The following NRG2 variants were observed in gnomAD, a reference collection of about 807,000 sequenced individuals.
NRG2 encodes the protein pro-neuregulin-2, membrane-bound isoform.
NRG2 carries 27 observed loss-of-function variants against 73.9 expected under a neutral mutation model. The ratio of observed to expected loss-of-function variants is 0.37; its 90% CI spans 0.27 to 0.50. The LOEUF (loss-of-function observed/expected upper bound fraction) is 0.50. Among genes scored for constraint, NRG2 ranks in the 20% least tolerant of loss-of-function variants. The pLI is 0.96. For missense variants in NRG2, 1,126 were observed against 1,210.1 expected (o/e 0.93, Z 1.03); for synonymous variants, 532 against 541.0 (o/e 0.98, Z 0.23).
intron 1 of NRG2, among the ~76,000 whole-genome samples, chr5:140,009,130 A>G (rs1759158673): frequency 6.6e-6 from 1 of 152,226 alleles, no homozygotes; most frequent in Non-Finnish European, 1.5e-5. Context: ...TGCATCATCA[A>G]TAAAGTAGAA....
intron 1 of NRG2, among the ~76,000 whole-genome samples, chr5:139,946,566 TTTG>T (rs1428199278): frequency 6.6e-6 from 1 of 152,004 alleles, no homozygotes; most frequent in African/African-American, 2.4e-5. Context: ...TGGGCAGTGA[TTTG>T]TTGGATATGA....
intron 1 of NRG2, among the ~76,000 whole-genome samples, chr5:139,952,786 C>T (rs1319427642): frequency 4.6e-5 from 7 of 151,878 alleles, no homozygotes; most frequent in East Asian, 3.9e-4. Flanking sequence ...TGTGTGCATG[C>T]GTGTATGTGC....
intron 1 of NRG2, among the ~76,000 whole-genome samples, chr5:140,001,551 CAAGCACTATTCTAAATACT>C (rs1758477184): frequency 6.6e-6 from 1 of 152,060 alleles, no homozygotes; most frequent in Non-Finnish European, 1.5e-5. Flanking sequence ...TGCTATTTGC[CAAGCACTATTCTAAATACT>C]AGAGATGTGA....
Position 139,848,483 on chromosome 5 carries a change from C to G in NRG2, c.1987G>C (p.Gly663Arg). 1 of 1,340,456 alleles carries G rather than the reference C, an allele frequency of 7.5e-7. No individual in the cohort carries two copies. The allele number at this position is 1,340,456 out of a possible 1,614,324, so 83.0% of individuals were successfully genotyped here. A position where few individuals can be genotyped will look rare whatever the true frequency, so the allele number is the denominator to read the frequency against. The change falls in exon 10 of 10, where the codon GGG becomes CGG. Residue 663 changes from glycine (G) to arginine (R), a missense_variant. By Grantham distance (125) the Gly-to-Arg change is moderately radical. Transcript: ENST00000361474. ...TGCATGTCTGCGCCGGGCCCGGGCC[C>G]GGGCCCGGGTCCGGGTCCCGGGCCG... ...PPGPGPGPGP[G>R]PGPGADMQRS...
chr5:139,881,051 T>G, intron 2 of NRG2, 77 bp from the exon 3 acceptor site: 139 of 1,233,424 alleles, frequency 1.1e-4, no homozygotes, highest in Non-Finnish European at 1.6e-4. Flanking sequence ...ACCCAGCGGT[T>G]GCCTCTCTCC....
chr5:140,020,297 G>A (rs1760118509), intron 1 of NRG2, among the ~76,000 whole-genome samples: 2 of 152,202 alleles, frequency 1.3e-5, no homozygotes, highest in African/African-American at 4.8e-5. Context: ...CACTTCTTTG[G>A]TTAATTCATC....
At position 140,042,613 on chromosome 5, in the gene NRG2, G is replaced by A. The variant is rs1188954559; in HGVS notation, c.457C>T (p.Pro153Ser). 1 of 1,609,600 alleles carries A rather than the reference G, an allele frequency of 6.2e-7. No individual in the cohort carries two copies. The highest frequency in any genetic ancestry group is 1.7e-5 in the Admixed American group (1 of 59,682). ...GSSSNSTREP[P>S]ASGRVALVKV... is the part of the protein sequence containing the mutation. ...ACCAACGCCACCCGACCCGAGGCGGGCGGCTCTCGGGTGCTGTTGGAGCTG... is the reference window on the plus strand; with the variant it reads ...ACCAACGCCACCCGACCCGAGGCGGACGGCTCTCGGGTGCTGTTGGAGCTG... The change falls in exon 1 of 10, where the codon CCC becomes TCC. Residue 153 changes from proline (P) to serine (S), a missense_variant. Around this residue, in one of 3 missense-constraint regions of NRG2, gnomAD observed 539 missense variants for 703.2 expected, o/e 0.77. Transcript: ENST00000361474.
rs1754479958 is a variant in NRG2 at position 139,954,644 on chromosome 5, C to A, written c.701-67133G>T. The stretch of plus-strand genomic sequence containing the variant: ...GGCTCTCCAGGCCAAGCCCTCCACC[C>A]CAGCGACTCTCCGCAGAGGCCCCTG... On this transcript the variant is annotated intron_variant, in intron 1 of 9. Coordinates refer to ENST00000361474, the MANE Select transcript of NRG2 (RefSeq NM_004883.3). This position sits in a 1 kb window ranked among gnomAD's most constrained non-coding sequence, Gnocchi z 5.0. Among the ~76,000 whole-genome samples the A allele has an allele frequency of 6.6e-6, 1 of 152,224 alleles. No individual in the cohort carries two copies. The highest frequency in any genetic ancestry group is 2.1e-4 in the South Asian group (1 of 4,832).
chr5:140,024,027 A>C (rs1760460128), intron 1 of NRG2, among the ~76,000 whole-genome samples: 1 of 152,104 alleles, frequency 6.6e-6, no homozygotes, highest in Non-Finnish European at 1.5e-5. Flanking sequence ...AACAGACGTA[A>C]AACTGACATC....
chr5:139,977,192 G>T (rs1756440418), intron 1 of NRG2, among the ~76,000 whole-genome samples: 1 of 152,028 alleles, frequency 6.6e-6, no homozygotes, highest in African/African-American at 2.4e-5. Context: ...CACTGGGTTG[G>T]GATATATGGA....
chr5:139,904,213 G>A lies in NRG2; in HGVS notation c.701-16702C>T. On this transcript the variant is annotated intron_variant, in intron 1 of 9. Coordinates refer to ENST00000361474, the MANE Select transcript of NRG2 (RefSeq NM_004883.3). The surrounding 1 kb of genome is among the most constrained non-coding windows in gnomAD (Gnocchi z 6.0). ...TGTCACCGCGGCGGCCGCTAGCGCA[G>A]CCTAGACTCACCCGCGCTGCGCTGG... 1 of 1,397,016 alleles carries A rather than the reference G, an allele frequency of 7.2e-7. No homozygotes were observed. Among genetic ancestry groups the A allele is most frequent in the Admixed American group, 2.2e-5 (1 of 45,034 alleles). The allele number at this position is 1,397,016 out of a possible 1,614,324, so 86.5% of individuals were successfully genotyped here.
chr5:140,029,806 T>C (rs1760997714), intron 1 of NRG2, among the ~76,000 whole-genome samples: 1 of 152,068 alleles, frequency 6.6e-6, no homozygotes, highest in Admixed American at 6.5e-5. Flanking sequence ...TAAGGGACTG[T>C]ACCCTCTACA....
In NRG2 at chr5:139,904,410, C is replaced by A. The variant is rs1424489132; in HGVS notation, c.701-16899G>T. ...TGGACTCCGACATTCTGCACGGGGT[C>A]CCAGGCGGTGGGACGGCCTCAGCTC... On this transcript the variant is annotated intron_variant, in intron 1 of 9. Coordinates refer to ENST00000361474, the MANE Select transcript of NRG2 (RefSeq NM_004883.3). This position sits in a 1 kb window ranked among gnomAD's most constrained non-coding sequence, Gnocchi z 6.0. 6.7e-7 allele frequency: 1 copy of A among 1,493,380 alleles called. No homozygotes were observed. The highest frequency in any genetic ancestry group is 9.1e-7 in the Non-Finnish European group (1 of 1,094,624). 92.5% of individuals were successfully genotyped at this position (1,493,380 alleles called of 1,614,324 possible).
chr5:139,940,022 G>T (rs1753268231), intron 1 of NRG2, among the ~76,000 whole-genome samples: 1 of 152,228 alleles, frequency 6.6e-6, no homozygotes, highest in African/African-American at 2.4e-5. Flanking sequence ...AGTAACTGCT[G>T]CTGGGAAGGT....
chr5:139,914,094 T>C (rs2127202016), intron 1 of NRG2, among the ~76,000 whole-genome samples: 1 of 152,264 alleles, frequency 6.6e-6, no homozygotes, highest in African/African-American at 2.4e-5. Context: ...AGGTTGAGGC[T>C]GCTGTGAACA....
chr5:139,912,743 T>C (rs1750930341), intron 1 of NRG2, among the ~76,000 whole-genome samples: 1 of 152,148 alleles, frequency 6.6e-6, no homozygotes, highest in Non-Finnish European at 1.5e-5. Flanking sequence ...AGATATGATA[T>C]GGAGATAGGG....
At chr5:139,867,798 A>AG (rs1762571780) in intron 4 of NRG2, among the ~76,000 whole-genome samples, 27 of 57,216 alleles carry the variant, frequency 4.7e-4, no homozygotes, top group South Asian at 1.2e-3. Flanking sequence ...GTGTGTGTGT[A>AG]TGAGTGTGTG....
chr5:139,986,366 A>G (rs1435288213), intron 1 of NRG2, among the ~76,000 whole-genome samples: 1 of 152,202 alleles, frequency 6.6e-6, no homozygotes, highest in Non-Finnish European at 1.5e-5. Context: ...AGGTCAGTCA[A>G]TGATATAAAT....
At position 139,904,164 on chromosome 5, in the gene NRG2, G is replaced by T; in HGVS notation, c.701-16653C>A. On this transcript the variant is annotated intron_variant, in intron 1 of 9. Coordinates refer to ENST00000361474, the MANE Select transcript of NRG2 (RefSeq NM_004883.3). The surrounding 1 kb of genome is among the most constrained non-coding windows in gnomAD (Gnocchi z 6.0). ...CCCGGCCGCGACGACCCGCTCGCAC[G>T]CAGGCACGCGCGCCCTCGGTGCCTG... is the stretch of plus-strand genomic sequence containing the variant. The T allele has an allele frequency of 1.3e-6, 1 of 756,500 alleles. No individual in the cohort carries two copies. Among genetic ancestry groups the T allele is most frequent in the Non-Finnish European group, 1.9e-6 (1 of 539,184 alleles). The allele number at this position is 756,500 out of a possible 1,614,324, so 46.9% of individuals were successfully genotyped here. A position where few individuals can be genotyped will look rare whatever the true frequency, so the allele number is the denominator to read the frequency against.
Sources: allele counts gnomAD v4.1 joint callset (sites outside exome capture counted in the v4.1 genomes callset), GRCh38; gene constraint gnomAD v4.1.1; regional missense constraint gnomAD v4.1.1; non-coding constraint Gnocchi (gnomAD v3.1); transcripts MANE v1.5; gene names NCBI Gene and HGNC (gene_info 2026-07-23, HGNC 2026-07-21).